The following PODNL1 variants were observed in gnomAD, a reference collection of about 807,000 sequenced individuals.
PODNL1 encodes the protein podocan-like protein 1.
In PODNL1, 50 loss-of-function variants were observed where a neutral mutation model predicts 45.1. The ratio of observed to expected loss-of-function variants is 1.11; its 90% confidence interval spans 0.88 to 1.40. The LOEUF (loss-of-function observed/expected upper bound fraction) is 1.40, where lower values mean the gene tolerates loss of function less well. Ranked by LOEUF, PODNL1 falls within the 40% of genes most tolerant of loss-of-function variation. PODNL1 has a pLI of 0.00. For missense variants in PODNL1, 788 were observed against 793.3 expected, an observed-to-expected ratio of 0.99 and a Z score of 0.08; for synonymous variants, 406 against 372.5, an observed-to-expected ratio of 1.09 and a Z score of -1.04.
intron 1 of PODNL1, among the ~76,000 whole-genome samples, chr19:13,951,728 C>A (rs1220104688): frequency 6.6e-6 from 1 of 151,988 alleles, no homozygotes; most frequent in Non-Finnish European, 1.5e-5. Flanking sequence ...ACCGTGATCA[C>A]GCCACTGCAC....
chr19:13,953,155 C>G (rs2145481927), exon 1 of PODNL1: 1 of 1,543,038 alleles, frequency 6.5e-7, no homozygotes, highest in Non-Finnish European at 8.8e-7. Context: ...TGGGAGCTCC[C>G]TGGATAGGGC....
At chr19:13,952,648 A>G (rs1266423100) in intron 1 of PODNL1, 2 of 1,209,090 alleles carry the variant, frequency 1.7e-6, no homozygotes, top group Non-Finnish European at 2.1e-6. Flanking sequence ...GGTCAAGGTG[A>G]GGCCTGGAGC....
At chr19:13,952,479 C>A in intron 1 of PODNL1, 4 of 1,247,600 alleles carry the variant, frequency 3.2e-6, no homozygotes, top group Non-Finnish European at 4.0e-6. Context: ...GGCGAAGGGG[C>A]CGGTTGCTCC....
exon 1 of PODNL1, chr19:13,953,322 G>A (rs768202206): frequency 1.8e-6 from 1 of 568,198 alleles, no homozygotes; most frequent in Non-Finnish European, 3.1e-6. Context: ...GGCAGTAACT[G>A]GGGCAAGGCT....
rs181531442 is a variant in PODNL1, at chr19:13,951,031, A to G, written c.18+2088T>C. Among the ~76,000 whole-genome samples, 513 of 150,012 alleles carry G rather than the reference A, an allele frequency of 3.4e-3. 4 individuals are homozygous for G. The highest frequency in any genetic ancestry group is 0.012 in the African/African-American group (493 of 40,644). On this transcript the variant is annotated intron_variant, in intron 1 of 7. Coordinates refer to the PODNL1 transcript ENST00000538371. Reference sequence around the variant, plus strand: ...GCCATTGCACTCCAGCCTGGGCAACAAGAGCAAAACTCCATCTCAAAAAAA... The same window carrying G: ...GCCATTGCACTCCAGCCTGGGCAACGAGAGCAAAACTCCATCTCAAAAAAA...
chr19:13,934,498 AGTGTGTGTGTGTGT>A (rs767618376), intron 5 of PODNL1, 88 bp from the exon 6 acceptor site: 4 of 980,260 alleles, frequency 4.1e-6, no homozygotes, highest in African/African-American at 1.7e-5. Context: ...GGTCGCCTTC[AGTGTGTGTGTGTGT>A]GTGTGTGTGT....
chr19:13,947,302 G>A (rs113617707), intron 1 of PODNL1, among the ~76,000 whole-genome samples: 8,436 of 150,892 alleles, frequency 0.056, 785 homozygotes, highest in African/African-American at 0.19. Flanking sequence ...TCAACATGGC[G>A]AAACCCCGTC....
upstream of PODNL1, among the ~76,000 whole-genome samples, chr19:13,941,483 AG>A (rs1424496286): frequency 6.6e-6 from 1 of 152,104 alleles, no homozygotes; most frequent in Non-Finnish European, 1.5e-5. Context: ...ATTCCAGAGA[AG>A]GCAGGCAGTG....
chr19:13,934,080 G>A, intron 6 of PODNL1, 87 bp from the exon 7 acceptor site: 1 of 1,403,886 alleles, frequency 7.1e-7, no homozygotes, highest in African/African-American at 1.4e-5. Flanking sequence ...GGAGTGACGA[G>A]GAGCTTGCCT....
rs1287208756 is a variant in PODNL1 at position 13,937,816 on chromosome 19, ATGT to A, written c.191_193del (p.Asn64del). The A allele has an allele frequency of 1.3e-6, 2 of 1,593,914 alleles. No individual in the cohort carries two copies. Among genetic ancestry groups the A allele is most frequent in the East Asian group, 2.3e-5 (1 of 44,158 alleles). The stretch of plus-strand genomic sequence containing the variant: ...GGAGAGGTGCTGAGCGGCTCTGGTG[ATGT>A]TGTCCGGGAACACTCGAAGGTCCAA... On this transcript the variant is annotated inframe_deletion, in exon 2 of 10. Coordinates refer to ENST00000588872, the MANE Select transcript of PODNL1 (RefSeq NM_001370095.3).
intron 5 of PODNL1, among the ~76,000 whole-genome samples, 186 bp from the exon 6 acceptor site, chr19:13,934,596 G>A (rs2145419906): frequency 6.6e-6 from 1 of 152,226 alleles, no homozygotes; most frequent in East Asian, 1.9e-4. Flanking sequence ...GCGTAGGTGT[G>A]CAGGTGAGTG....
At position 13,934,011 on chromosome 19, in the gene PODNL1, G is replaced by C; in HGVS notation, c.652-18C>G. On this transcript the variant is annotated intron_variant, in intron 6 of 9. Transcript: ENST00000588872. The stretch of plus-strand genomic sequence containing the variant: ...AGATTGTTCTGGAGAAGGAAGAAGA[G>C]AATGAGACTTGAGTCTGGGATGAGG... The C allele has an allele frequency of 2.5e-6, 4 of 1,581,308 alleles. No individual in the cohort carries two copies. The highest frequency in any genetic ancestry group is 3.4e-6 in the Non-Finnish European group (4 of 1,162,460).
At chr19:13,940,586 A>AC (rs1972625343), upstream of PODNL1, among the ~76,000 whole-genome samples, 1 of 146,352 alleles carries the variant, frequency 6.8e-6, no homozygotes, top group Non-Finnish European at 1.5e-5. Flanking sequence ...AAAAAAAAAA[A>AC]AAAAACTTAG....
chr19:13,932,594 G>T, intron 8 of PODNL1: 1 of 1,388,354 alleles, frequency 7.2e-7, no homozygotes, highest in Non-Finnish European at 9.8e-7. Flanking sequence ...AGCCTAAAGC[G>T]ATTCTCCTGC....
exon 1 of PODNL1, chr19:13,953,213 C>T: frequency 7.3e-7 from 1 of 1,365,512 alleles, no homozygotes; most frequent in South Asian, 1.4e-5. Context: ...GCTCTGTCTC[C>T]TCCATCAGAC....
upstream of PODNL1, among the ~76,000 whole-genome samples, chr19:13,941,093 C>T (rs553142220): frequency 9.9e-5 from 15 of 151,960 alleles, no homozygotes; most frequent in East Asian, 1.2e-3. Context: ...CGGCCAAGGA[C>T]GGTGGCTCAC....
intron 6 of PODNL1, 115 bp from the exon 7 acceptor site, chr19:13,934,108 C>G (rs1972153830): frequency 7.3e-7 from 1 of 1,375,930 alleles, no homozygotes; most frequent in African/African-American, 1.5e-5. Flanking sequence ...AAAGCGATTT[C>G]CAATAAAGTG....
Position 13,933,302 on chromosome 19 carries a change from G to C in PODNL1, c.921C>G (p.Arg307=). Residue 307 remains arginine (R), a synonymous_variant, in exon 8 of 10, where the codon CGC becomes CGG. Transcript: ENST00000588872. This position sits in a 1 kb window ranked among gnomAD's most constrained non-coding sequence, Gnocchi z 5.2. ...GCTGGTTGTGCTGCAGCAACAAATA[G>C]CGCAGACCACGCGCCCCGTGCAGCC... The part of the protein sequence containing the change: ...AARLHGARGL[R]YLLLQHNQLG... 6.3e-7 allele frequency: 1 copy of C among 1,585,916 alleles called. No individual in the cohort carries two copies. Among genetic ancestry groups the C allele is most frequent in the Non-Finnish European group, 8.5e-7 (1 of 1,170,910 alleles).
At position 13,935,979 on chromosome 19, in the gene PODNL1, C is replaced by T; in HGVS notation, c.384+1G>A. 6.4e-7 allele frequency: 1 copy of T among 1,552,080 alleles called. No homozygotes were observed. On this transcript the variant is annotated splice_donor_variant, in intron 4 of 9. Transcript: ENST00000588872. LOFTEE classifies it high-confidence loss of function. ...GCCTGCGGGTGGGGCTGGGGGCTCA[C>T]CTTGTTGTGAGCCACGCAGAGGTGC...
Sources: allele counts gnomAD v4.1 joint callset (sites outside exome capture counted in the v4.1 genomes callset), GRCh38; gene constraint gnomAD v4.1.1; non-coding constraint Gnocchi (gnomAD v3.1); transcripts MANE v1.5; gene names NCBI Gene and HGNC (gene_info 2026-07-23, HGNC 2026-07-21).